ZBTB37: variants seen among roughly 807,000 people sequenced by gnomAD.
ZBTB37 encodes zinc finger and BTB domain containing 37.
ZBTB37 carries 15 observed loss-of-function variants against 37.7 expected under a neutral mutation model. The ratio of observed to expected loss-of-function variants is 0.40; its 90% confidence interval spans 0.27 to 0.61. The LOEUF is 0.61. ZBTB37 is among the 20% of genes least tolerant of loss of function. ZBTB37 has a pLI of 0.44. For missense variants in ZBTB37, 514 were observed against 641.9 expected, an observed-to-expected ratio of 0.80 and a Z score of 2.15; for synonymous variants, 231 against 220.6, an observed-to-expected ratio of 1.05 and a Z score of -0.42.
chr1:173,870,731 C>T (rs766031737), exon 3 of ZBTB37: 2 of 1,614,208 alleles, frequency 1.2e-6, no homozygotes, highest in Non-Finnish European at 1.7e-6. Context: ...CGACATAATA[C>T]CCCAAAGGGA....
At chr1:173,903,082 C>A (rs1283284741) in exon 4 of ZBTB37, 2 of 152,136 alleles carry the variant, frequency 1.3e-5, no homozygotes, top group African/African-American at 4.8e-5. Context: ...CTCTAAGACA[C>A]GATCCTGATT....
At chr1:173,889,469 A>C (rs1656757787), downstream of ZBTB37, 1 of 152,252 alleles carries the variant, frequency 6.6e-6, no homozygotes, top group Non-Finnish European at 1.5e-5. Flanking sequence ...AATTGCAAAC[A>C]CTGGGACTGT....
At chr1:173,872,538 C>A (rs1655645341) in intron 3 of ZBTB37, among the ~76,000 whole-genome samples, 2 of 152,002 alleles carry the variant, frequency 1.3e-5, no homozygotes, top group South Asian at 4.1e-4. Flanking sequence ...TTCCTGTGTC[C>A]TTATTAAAAT....
At chr1:173,881,388 A>G (rs1448699765) in intron 4 of ZBTB37, among the ~76,000 whole-genome samples, 1 of 152,210 alleles carries the variant, frequency 6.6e-6, no homozygotes, top group East Asian at 1.9e-4. Flanking sequence ...AGTCTTTGCT[A>G]TTGTGAACAG....
At chr1:173,881,541 C>T (rs568269407) in intron 4 of ZBTB37, among the ~76,000 whole-genome samples, 138 of 152,322 alleles carry the variant, frequency 9.1e-4, no homozygotes, top group South Asian at 1.9e-3. Context: ...CTGTCTTCCA[C>T]AATGGTTGAA....
At chr1:173,868,797 C>T (rs1003834470) in intron 1 of ZBTB37, 128 bp from the exon 2 acceptor site, 8 of 153,262 alleles carry the variant, frequency 5.2e-5, no homozygotes, top group Middle Eastern at 6.7e-3. Flanking sequence ...CCCATCTTCT[C>T]CGAAGTTCCT....
chr1:173,881,991 T>G (rs1282671089), intron 4 of ZBTB37, among the ~76,000 whole-genome samples: 6 of 151,372 alleles, frequency 4.0e-5, no homozygotes, highest in South Asian at 2.1e-4. Context: ...GAGGCAGAGC[T>G]TGCAGTGAGC....
chr1:173,875,331 T>TATATATATATATA (rs367970109), intron 4 of ZBTB37, among the ~76,000 whole-genome samples: 2 of 132,344 alleles, frequency 1.5e-5, no homozygotes, highest in African/African-American at 5.8e-5. Context: ...TATATATATA[T>TATATATATATATA]TTTTTTTTTT....
exon 4 of ZBTB37, chr1:173,893,865 A>G (rs998467431): frequency 2.6e-5 from 4 of 152,224 alleles, no homozygotes; most frequent in Admixed American, 6.5e-5. Context: ...TATTTTATAG[A>G]TGAGGAAACT....
At chr1:173,875,330 A>ATATATAT (rs1399968929) in intron 4 of ZBTB37, among the ~76,000 whole-genome samples, 5 of 122,448 alleles carry the variant, frequency 4.1e-5, no homozygotes, top group African/African-American at 1.9e-4. Context: ...ATATATATAT[A>ATATATAT]TTTTTTTTTT....
At chr1:173,870,318 C>G in exon 3 of ZBTB37, 1 of 1,614,208 alleles carries the variant, frequency 6.2e-7, no homozygotes, top group Non-Finnish European at 8.5e-7. Flanking sequence ...AGGGCCGTCT[C>G]TGTGATATTG....
At chr1:173,872,757 C>A (rs1027360864) in intron 3 of ZBTB37, among the ~76,000 whole-genome samples, 2 of 152,066 alleles carry the variant, frequency 1.3e-5, no homozygotes, top group Non-Finnish European at 2.9e-5. Flanking sequence ...CCTGTGATCC[C>A]AGCACTTTGG....
At position 173,878,983 on chromosome 1, in the gene ZBTB37, T is replaced by C. The variant is rs553482929; in HGVS notation, c.1023+5417T>C. On this transcript the variant is annotated intron_variant, in intron 4 of 4. Coordinates refer to ENST00000427304, the Ensembl canonical transcript of ZBTB37. Reference sequence around the variant, plus strand: ...GCGGGTGCCTGTAATCCCAGATACTTGGGAGGCTGAGACAGGAGAATCGTT... The same window carrying C: ...GCGGGTGCCTGTAATCCCAGATACTCGGGAGGCTGAGACAGGAGAATCGTT... 7.3e-5 allele frequency among the ~76,000 whole-genome samples: 11 copies of C among 149,962 alleles called. No individual in the cohort carries two copies. In the East Asian group the frequency reaches 2.2e-3, roughly 29 times the overall value.
rs550322909 is a variant in ZBTB37 at position 173,872,413 on chromosome 1, C to G, written c.924-1054C>G. 1.9e-3 allele frequency among the ~76,000 whole-genome samples: 291 copies of G among 151,546 alleles called. 1 individual carries two copies. Among genetic ancestry groups the G allele is most frequent in the African/African-American group, 6.6e-3 (273 of 41,316 alleles). ...TTTGAGATGAAGTCTCACTCTGTTG[C>G]CCAGGTTAGAGTGCAGTGGTGCAAT... On this transcript the variant is annotated intron_variant, in intron 3 of 4. Transcript: ENST00000427304.
chr1:173,886,782 G>C (rs891115107), downstream of ZBTB37: 1 of 152,496 alleles, frequency 6.6e-6, no homozygotes, highest in African/African-American at 2.4e-5. Context: ...TGAAGCACTT[G>C]GCAACTGGGA....
chr1:173,877,790 T>G (rs1191164904), intron 4 of ZBTB37, among the ~76,000 whole-genome samples: 1 of 152,174 alleles, frequency 6.6e-6, no homozygotes, highest in East Asian at 1.9e-4. Flanking sequence ...TACTCACCAG[T>G]TTTTTTCCTC....
chr1:173,890,897 T>C (rs906951758), downstream of ZBTB37: 1 of 152,146 alleles, frequency 6.6e-6, no homozygotes, highest in African/African-American at 2.4e-5. Context: ...TTAGAAAAAA[T>C]TTGCCAACTC....
intron 4 of ZBTB37, among the ~76,000 whole-genome samples, chr1:173,877,834 C>G (rs927287228): frequency 2.6e-5 from 4 of 152,124 alleles, no homozygotes; most frequent in Non-Finnish European, 4.4e-5. Flanking sequence ...CAAGGACTTA[C>G]AGTAAGAATG....
intron 2 of ZBTB37, among the ~76,000 whole-genome samples, chr1:173,869,555 G>T (rs1038254658): frequency 6.6e-6 from 1 of 152,164 alleles, no homozygotes; most frequent in Non-Finnish European, 1.5e-5. Context: ...TTTGACAACT[G>T]AACTTCACAT....
Sources: gnomAD v4.1 joint callset for allele counts (sites outside exome capture counted in the v4.1 genomes callset) on GRCh38, gnomAD v4.1.1 for gene constraint, MANE v1.5 for transcripts, NCBI Gene and HGNC (gene_info 2026-07-23, HGNC 2026-07-21) for gene names.